Variants in P2RX5 observed in about 807,000 individuals in gnomAD.
P2RX5 encodes P2X purinoceptor 5.
P2RX5 carries 46 observed loss-of-function variants against 54.1 expected under a neutral mutation model. That is an observed-to-expected ratio of 0.85 (90% CI 0.67 to 1.09). The LOEUF is 1.09. P2RX5 is among the 50% of genes least tolerant of loss of function. The pLI is 0.00. For missense variants in P2RX5, 566 were observed against 549.8 expected (o/e 1.03, Z -0.29); for synonymous variants, 226 against 226.4 (o/e 1.00, Z 0.02).
chr17:3,678,988 C>T (rs1248571873), intron 11 of P2RX5, among the ~76,000 whole-genome samples: 1 of 152,176 alleles, frequency 6.6e-6, no homozygotes, highest in African/African-American at 2.4e-5. Context: ...GGCCCAAGGA[C>T]CCCCCTGGCA....
chr17:3,715,998 T>C, the P2RX5 span, among the ~76,000 whole-genome samples: 52 of 151,412 alleles, frequency 3.4e-4, no homozygotes, highest in Non-Finnish European at 6.3e-4. Flanking sequence ...CTACTAAAAA[T>C]ACAAAACAAT....
intron 10 of P2RX5, among the ~76,000 whole-genome samples, chr17:3,680,170 CCTG>C (rs2050213834): frequency 2.6e-5 from 3 of 117,342 alleles, no homozygotes; most frequent in African/African-American, 9.7e-5. Context: ...TGTCCTCCAC[CCTG>C]CATCCTCCAC....
At chr17:3,719,962 G>A in the P2RX5 span, among the ~76,000 whole-genome samples, 1 of 152,178 alleles carries the variant, frequency 6.6e-6, no homozygotes, top group African/African-American at 2.4e-5. Context: ...CTGACCTCAG[G>A]TGATCCACCT....
At chr17:3,721,365 G>C in the P2RX5 span, among the ~76,000 whole-genome samples, 1 of 142,908 alleles carries the variant, frequency 7.0e-6, no homozygotes, top group Admixed American at 7.7e-5. Context: ...TCAAATTCCT[G>C]GGCTCAAACG....
chr17:3,711,399 T>TC, the P2RX5 span, among the ~76,000 whole-genome samples: 1 of 124,594 alleles, frequency 8.0e-6, no homozygotes, highest in Non-Finnish European at 1.8e-5. Context: ...TTTTTTTTTT[T>TC]TGAGACGGAG....
intron 3 of P2RX5, 47 bp downstream of exon 3, chr17:3,690,909 C>T (rs373688897): frequency 6.6e-7 from 1 of 1,514,254 alleles, no homozygotes; most frequent in Non-Finnish European, 9.1e-7. Flanking sequence ...CCAACCACTG[C>T]CGGTGGCTCT....
intron 3 of P2RX5, 28 bp downstream of exon 3, chr17:3,690,928 C>A: frequency 6.3e-7 from 1 of 1,599,908 alleles, no homozygotes. Context: ...CTCCCACCCC[C>A]ACGCCAGGGC....
chr17:3,695,231 T>C (rs11655312), intron 1 of P2RX5, among the ~76,000 whole-genome samples: 46,170 of 152,110 alleles, frequency 0.3, 8,241 homozygotes, highest in East Asian at 0.54. Context: ...ACAAGTTGCC[T>C]CTTTGGCTTT....
rs1239703616 is a variant in P2RX5, at chr17:3,690,530, G to A, written c.437-7C>T. 6.2e-7 allele frequency: 1 copy of A among 1,612,996 alleles called. No individual in the cohort carries two copies. The highest frequency in any genetic ancestry group is 8.5e-7 in the Non-Finnish European group (1 of 1,179,522). ...CAGCGGCCGGTCTTCACTCCTGCAGGGGTGGGACAGGATCAATGCCAGGAG... is the reference window on the plus strand; with the variant it reads ...CAGCGGCCGGTCTTCACTCCTGCAGAGGTGGGACAGGATCAATGCCAGGAG... On this transcript the variant is annotated splice_polypyrimidine_tract_variant and splice_region_variant and intron_variant, in intron 4 of 11. Coordinates refer to ENST00000225328, the MANE Select transcript of P2RX5 (RefSeq NM_002561.4).
intron 11 of P2RX5, among the ~76,000 whole-genome samples, 180 bp downstream of exon 11, chr17:3,679,410 C>A (rs570195907): frequency 6.6e-6 from 1 of 152,124 alleles, no homozygotes; most frequent in Non-Finnish European, 1.5e-5. Context: ...GGGGACCTTG[C>A]GGGGTAAAGC....
chr17:3,676,467 A>C, intron 11 of P2RX5: 4 of 984,012 alleles, frequency 4.1e-6, no homozygotes, highest in Non-Finnish European at 4.8e-6. Context: ...CTAAACTTTG[A>C]ATCATGTAAG....
At chr17:3,703,604 G>A in the P2RX5 span, among the ~76,000 whole-genome samples, 8 of 152,136 alleles carry the variant, frequency 5.3e-5, no homozygotes, top group Non-Finnish European at 1.2e-4. Context: ...CTGCAGGAGA[G>A]TTGCCAACAG....
At position 3,688,790 on chromosome 17, in the gene P2RX5, C is replaced by T. The variant is rs559964946; in HGVS notation, c.754-31G>A. 5.0e-6 allele frequency: 8 copies of T among 1,613,228 alleles called. No individual in the cohort carries two copies. In the South Asian group the frequency reaches 7.7e-5, roughly 15 times the overall value. On this transcript the variant is annotated intron_variant, in intron 7 of 11. Coordinates refer to ENST00000225328, the MANE Select transcript of P2RX5 (RefSeq NM_002561.4). ...TAAAAGAGAGATGAGGGTCAGCACA[C>T]ACAGCTTTCCGGAGACGGACAGCAT...
chr17:3,681,646 C>A (rs1272375271), intron 10 of P2RX5, among the ~76,000 whole-genome samples: 1 of 152,252 alleles, frequency 6.6e-6, no homozygotes, highest in Non-Finnish European at 1.5e-5. Context: ...AGGCCTGGGA[C>A]TTGTCCAGAA....
At chr17:3,721,031 T>G in the P2RX5 span, among the ~76,000 whole-genome samples, 3 of 152,030 alleles carry the variant, frequency 2.0e-5, no homozygotes, top group African/African-American at 7.2e-5. Context: ...CAGGCTCAAG[T>G]GATCCTCCCA....
chr17:3,678,987 AC>A (rs778474061), intron 11 of P2RX5, among the ~76,000 whole-genome samples: 1 of 151,644 alleles, frequency 6.6e-6, no homozygotes, highest in East Asian at 1.9e-4. Flanking sequence ...CGGCCCAAGG[AC>A]CCCCCTGGCA....
At chr17:3,723,763 C>T in the P2RX5 span, 1 of 1,605,452 alleles carries the variant, frequency 6.2e-7, no homozygotes, top group Non-Finnish European at 8.5e-7. Flanking sequence ...AGAGCCATGA[C>T]CGCGACGCGC....
chr17:3,716,441 C>G, the P2RX5 span, among the ~76,000 whole-genome samples: 1 of 152,184 alleles, frequency 6.6e-6, no homozygotes, highest in African/African-American at 2.4e-5. Context: ...AGTTCTGGGC[C>G]TTGAGAATAG....
intron 1 of P2RX5, among the ~76,000 whole-genome samples, chr17:3,692,897 T>C (rs1165294334): frequency 6.6e-6 from 1 of 151,138 alleles, no homozygotes; most frequent in African/African-American, 2.4e-5. Flanking sequence ...ACGCAAGCAA[T>C]AAAAGAAAAA....
Sources: gnomAD v4.1 joint callset for allele counts (sites outside exome capture counted in the v4.1 genomes callset) on GRCh38, gnomAD v4.1.1 for gene constraint, MANE v1.5 for transcripts, NCBI Gene and HGNC (gene_info 2026-07-23, HGNC 2026-07-21) for gene names.